Variants in VEPH1 observed in about 807,000 individuals in gnomAD.
VEPH1 encodes the protein ventricular zone expressed PH domain containing 1.
In VEPH1, 80 loss-of-function variants were observed where a neutral mutation model predicts 85.2. The observed-to-expected ratio is 0.94, with a 90% CI of 0.78 to 1.13. The LOEUF (loss-of-function observed/expected upper bound fraction) is 1.13. Ranked by LOEUF, VEPH1 falls within the 50% of genes most tolerant of loss-of-function variation. The probability of loss-of-function intolerance (pLI) is 0.00; values close to 1 mark genes in which losing one functional copy is unlikely to be tolerated. For missense variants in VEPH1, 955 were observed against 980.5 expected (o/e 0.97, Z 0.35); for synonymous variants, 297 against 348.0 (o/e 0.85, Z 1.63).
chr3:157,295,126 G>A (rs998467120), intron 11 of VEPH1, among the ~76,000 whole-genome samples: 6 of 152,202 alleles, frequency 3.9e-5, no homozygotes, highest in Non-Finnish European at 8.8e-5. Flanking sequence ...GGATGTGTAA[G>A]ATGACATCTG....
At chr3:157,347,933 T>C (rs2108686474) in intron 9 of VEPH1, among the ~76,000 whole-genome samples, 1 of 152,356 alleles carries the variant, frequency 6.6e-6, no homozygotes, top group South Asian at 2.1e-4. Context: ...CTGCTGCCGC[T>C]GGGCGCCACG....
intron 7 of VEPH1, among the ~76,000 whole-genome samples, chr3:157,374,851 G>C (rs1727913241): frequency 6.6e-6 from 1 of 152,206 alleles, no homozygotes; most frequent in Admixed American, 6.5e-5. Flanking sequence ...ATAGGCAAAA[G>C]TTACCCTTGA....
At chr3:157,365,535 C>T (rs969767076) in intron 7 of VEPH1, among the ~76,000 whole-genome samples, 1 of 152,060 alleles carries the variant, frequency 6.6e-6, no homozygotes, top group Non-Finnish European at 1.5e-5. Flanking sequence ...GAATTAGCCC[C>T]AGACTCCACA....
At chr3:157,415,630 C>CT (rs71302264) in intron 5 of VEPH1, among the ~76,000 whole-genome samples, 7,014 of 152,176 alleles carry the variant, frequency 0.046, 249 homozygotes, top group South Asian at 0.16. Flanking sequence ...GTCACTTGCC[C>CT]TTTTTTGTAT....
intron 2 of VEPH1, among the ~76,000 whole-genome samples, chr3:157,476,522 CTT>C (rs1737486254): frequency 1.0e-5 from 1 of 96,896 alleles, no homozygotes. Context: ...ACCATAACTT[CTT>C]CTGCCCCCAC....
rs111649899 is a variant in VEPH1, at chr3:157,335,763, A to G, written c.1736-18562T>C. Among the ~76,000 whole-genome samples the G allele has an allele frequency of 2.4e-4, 37 of 152,308 alleles. 1 individual carries two copies. Among genetic ancestry groups the G allele is most frequent in the African/African-American group, 8.9e-4 (37 of 41,556 alleles). On this transcript the variant is annotated intron_variant, in intron 9 of 13. Coordinates refer to ENST00000362010, the MANE Select transcript of VEPH1 (RefSeq NM_001167912.2). ...CAATTCTCCAAATATTCTGCTGGGA[A>G]AAAGATGGGAGTTATTGGCTCCGAG...
chr3:157,360,722 A>G (rs1020011479), intron 9 of VEPH1, among the ~76,000 whole-genome samples: 1 of 152,168 alleles, frequency 6.6e-6, no homozygotes, highest in African/African-American at 2.4e-5. Context: ...TAATAAAGCT[A>G]GTTGTTATGA....
chr3:157,430,842 G>C (rs951039035), intron 4 of VEPH1, among the ~76,000 whole-genome samples: 9 of 152,120 alleles, frequency 5.9e-5, no homozygotes, highest in African/African-American at 1.7e-4. Context: ...AAAATTAGTG[G>C]CCTAAAATAA....
At chr3:157,293,690 C>G (rs1214390851) in intron 11 of VEPH1, among the ~76,000 whole-genome samples, 1 of 152,112 alleles carries the variant, frequency 6.6e-6, no homozygotes, top group Non-Finnish European at 1.5e-5. Context: ...TTAAGTAAAA[C>G]AGTTTGTGAA....
At chr3:157,328,331 A>G (rs1722151333) in intron 9 of VEPH1, among the ~76,000 whole-genome samples, 1 of 152,306 alleles carries the variant, frequency 6.6e-6, no homozygotes, top group Non-Finnish European at 1.5e-5. Flanking sequence ...ATATGGAAAA[A>G]GAAAAAAAAA....
intron 9 of VEPH1, among the ~76,000 whole-genome samples, chr3:157,333,841 C>A (rs1489550134): frequency 6.6e-6 from 1 of 151,992 alleles, no homozygotes. Context: ...AAAATGGGTC[C>A]GTTTACATTT....
intron 7 of VEPH1, among the ~76,000 whole-genome samples, chr3:157,373,384 T>C (rs1296290944): frequency 6.6e-6 from 1 of 152,230 alleles, no homozygotes; most frequent in African/African-American, 2.4e-5. Context: ...ATAGAGTTGA[T>C]ATATAGTCAC....
At chr3:157,484,147 C>A (rs907538458) in intron 2 of VEPH1, among the ~76,000 whole-genome samples, 9 of 152,026 alleles carry the variant, frequency 5.9e-5, no homozygotes, top group African/African-American at 1.9e-4. Flanking sequence ...TTCATAACAG[C>A]AATAATAGAA....
At chr3:157,473,861 C>T (rs1388593261) in intron 2 of VEPH1, among the ~76,000 whole-genome samples, 3 of 151,812 alleles carry the variant, frequency 2.0e-5, no homozygotes, top group Non-Finnish European at 4.4e-5. Context: ...CATTAAATGC[C>T]TTTTTAGCAT....
intron 4 of VEPH1, chr3:157,459,939 G>C: frequency 6.5e-7 from 1 of 1,537,194 alleles, no homozygotes. Context: ...GAGAAACACA[G>C]ATTTGGAAGA....
At chr3:157,293,898 GT>G (rs1717821050) in intron 11 of VEPH1, among the ~76,000 whole-genome samples, 1 of 152,176 alleles carries the variant, frequency 6.6e-6, no homozygotes, top group South Asian at 2.1e-4. Flanking sequence ...TGTTCAAAAG[GT>G]CAAGAAAACT....
Position 157,428,368 on chromosome 3 carries a change from T to C in VEPH1, c.650A>G (p.His217Arg). 1 of 1,614,162 alleles carries C rather than the reference T, an allele frequency of 6.2e-7. No homozygotes were observed. The highest frequency in any genetic ancestry group is 8.5e-7 in the Non-Finnish European group (1 of 1,180,010). The change falls in exon 5 of 14, where the codon CAT becomes CGT. Residue 217 changes from histidine to arginine, a missense_variant. Transcript: ENST00000362010. Reference protein sequence around the residue: ...MSQLEQPEQYHLLRLLHVAAK... With the variant: ...MSQLEQPEQYRLLRLLHVAAK... ...TGCTACATGCAAAAGCCGTAGTAGA[T>C]GGTACTGTTCTGGCTGTTCCAGCTG... is the stretch of plus-strand genomic sequence containing the variant.
chr3:157,495,533 T>C, intron 1 of VEPH1, 27 bp from the exon 2 acceptor site: 2 of 1,393,432 alleles, frequency 1.4e-6, no homozygotes, highest in Non-Finnish European at 1.9e-6. Flanking sequence ...TGACACAATG[T>C]AGCCACTGGC....
chr3:157,263,374 T>TA (rs1347251765), intron 13 of VEPH1, among the ~76,000 whole-genome samples: 2 of 152,122 alleles, frequency 1.3e-5, no homozygotes, highest in African/African-American at 2.4e-5. Flanking sequence ...TAAACCTTAT[T>TA]AAAAAAGCCA....
Sources: gnomAD v4.1 joint callset for allele counts (sites outside exome capture counted in the v4.1 genomes callset) on GRCh38, gnomAD v4.1.1 for gene constraint, MANE v1.5 for transcripts, NCBI Gene and HGNC (gene_info 2026-07-23, HGNC 2026-07-21) for gene names.